GNAQ: variants seen among roughly 807,000 people sequenced by gnomAD.
GNAQ encodes G protein subunit alpha q.
Under a neutral mutation model 43.9 loss-of-function variants are expected in GNAQ, and 8 were observed. The ratio of observed to expected loss-of-function variants is 0.18; its 90% CI spans 0.11 to 0.33. The LOEUF is 0.33. Among genes scored for constraint, GNAQ ranks in the 10% least tolerant of loss-of-function variants. The pLI is 1.00. For synonymous variants in GNAQ, 155 were observed against 170.7 expected, an observed-to-expected ratio of 0.91 and a Z score of 0.71; for missense variants, 158 against 450.8, an observed-to-expected ratio of 0.35 and a Z score of 5.88.
chr9:77,779,334 GAAGTT>G (rs947091430), intron 5 of GNAQ, among the ~76,000 whole-genome samples: 35 of 152,016 alleles, frequency 2.3e-4, no homozygotes, highest in African/African-American at 7.9e-4. Flanking sequence ...GGTAGTCAAA[GAAGTT>G]AAGAAGTGTT....
intron 3 of GNAQ, among the ~76,000 whole-genome samples, chr9:77,810,826 G>A (rs908673280): frequency 3.9e-5 from 6 of 152,118 alleles, no homozygotes; most frequent in East Asian, 1.9e-4. Context: ...ATGTGATGAC[G>A]GAAATAAAAG....
chr9:77,889,767 A>C (rs1162999374), intron 2 of GNAQ, among the ~76,000 whole-genome samples: 3 of 152,042 alleles, frequency 2.0e-5, no homozygotes, highest in Non-Finnish European at 4.4e-5. Context: ...AAAATACGTC[A>C]CCGCTTATTT....
Position 77,755,695 on chromosome 9 carries a change from T to C in GNAQ, c.736-27028A>G, listed in dbSNP as rs146916892. On this transcript the variant is annotated intron_variant, in intron 5 of 6. Coordinates refer to ENST00000286548, the MANE Select transcript of GNAQ (RefSeq NM_002072.5). ...GTATCGTTAACTTTATGTAACAGCA[T>C]TTGGGTTGAGGATTGGTGCATTTCC... is the stretch of plus-strand genomic sequence containing the variant. 4.6e-5 allele frequency among the ~76,000 whole-genome samples: 7 copies of C among 152,300 alleles called. No individual in the cohort carries two copies. The East Asian group carries it at 1.4e-3, about 29-fold the overall frequency.
At chr9:77,776,541 T>C (rs978120351) in intron 5 of GNAQ, among the ~76,000 whole-genome samples, 1 of 152,186 alleles carries the variant, frequency 6.6e-6, no homozygotes, top group Non-Finnish European at 1.5e-5. Context: ...TGTGCAATAA[T>C]AGTGCAATAA....
At chr9:77,874,109 A>AAAACAAAAAAC (rs1828089161) in intron 2 of GNAQ, among the ~76,000 whole-genome samples, 7 of 148,090 alleles carry the variant, frequency 4.7e-5, no homozygotes, top group Admixed American at 3.6e-4. Context: ...CATCTCAAAA[A>AAAACAAAAAAC]AAAAAAACAA....
At chr9:77,794,433 TA>T in intron 5 of GNAQ, 29 bp downstream of exon 5, 1 of 1,479,700 alleles carries the variant, frequency 6.8e-7, no homozygotes, top group Non-Finnish European at 9.3e-7. Context: ...AATAAAATGA[TA>T]ATCCATTGCC....
intron 5 of GNAQ, among the ~76,000 whole-genome samples, chr9:77,783,523 T>A (rs1826429497): frequency 6.6e-6 from 1 of 152,216 alleles, no homozygotes; most frequent in African/African-American, 2.4e-5. Context: ...TTTCATATCA[T>A]CTTTCCTTCT....
At position 77,721,401 on chromosome 9, in the gene GNAQ, G is replaced by C. The variant is rs369282648; in HGVS notation, c.1002C>G (p.Thr334=). ...IYSHFTCATD[T]ENIRFVFAAV... is the part of the protein sequence containing the mutation. ...CAGCAAAGACAAAGCGGATATTCTCGGTGTCTGTGGCGCACGTGAAGTGGG... is the reference window on the plus strand; with the variant it reads ...CAGCAAAGACAAAGCGGATATTCTCCGTGTCTGTGGCGCACGTGAAGTGGG... The change falls in exon 7 of 7, where the codon ACC becomes ACG. Residue 334 remains threonine, a synonymous_variant. Transcript: ENST00000286548. 8 of 1,613,506 alleles carry C rather than the reference G, an allele frequency of 5.0e-6. No homozygotes were observed. Among genetic ancestry groups the C allele is most frequent in the Non-Finnish European group, 6.8e-6 (8 of 1,179,656 alleles).
chr9:77,875,142 C>T (rs1045524366), intron 2 of GNAQ, among the ~76,000 whole-genome samples: 17 of 152,138 alleles, frequency 1.1e-4, no homozygotes, highest in African/African-American at 3.9e-4. Context: ...TTCATCATTG[C>T]TTCTGATAAC....
chr9:77,939,014 G>A lies in GNAQ; in HGVS notation c.137-16669C>T, dbSNP rs182687617. ...TAGCAAATGGCTGCATGAAGGAGGAGAGGGCAGCCTTGAGGGTTCTCTGGG... is the reference window on the plus strand; with the variant it reads ...TAGCAAATGGCTGCATGAAGGAGGAAAGGGCAGCCTTGAGGGTTCTCTGGG... On this transcript the variant is annotated intron_variant, in intron 1 of 6. Coordinates refer to ENST00000286548, the MANE Select transcript of GNAQ (RefSeq NM_002072.5). Among the ~76,000 whole-genome samples, 11 of 152,282 alleles carry A rather than the reference G, an allele frequency of 7.2e-5. No homozygotes were observed. In the East Asian group the frequency reaches 1.4e-3, roughly 19 times the overall value.
At chr9:77,912,838 G>A (rs1255837780) in intron 2 of GNAQ, among the ~76,000 whole-genome samples, 1 of 152,136 alleles carries the variant, frequency 6.6e-6, no homozygotes, top group Non-Finnish European at 1.5e-5. Context: ...CCACTATCCA[G>A]CCATCAGAAT....
At chr9:77,840,150 T>C (rs1271372481) in intron 2 of GNAQ, among the ~76,000 whole-genome samples, 1 of 152,230 alleles carries the variant, frequency 6.6e-6, no homozygotes, top group Admixed American at 6.5e-5. Flanking sequence ...ATGCATAGTG[T>C]ATTCAGTAAA....
chr9:77,738,859 C>G (rs181840798), intron 5 of GNAQ, among the ~76,000 whole-genome samples: 5 of 152,188 alleles, frequency 3.3e-5, no homozygotes, highest in Non-Finnish European at 5.9e-5. Flanking sequence ...ATTTTGCTCT[C>G]AACATTCTAG....
chr9:77,774,352 C>G (rs1300199210), intron 5 of GNAQ, among the ~76,000 whole-genome samples: 2 of 152,152 alleles, frequency 1.3e-5, no homozygotes, highest in South Asian at 2.1e-4. Context: ...CTAAGCTTCT[C>G]GGACCAGACA....
intron 1 of GNAQ, among the ~76,000 whole-genome samples, chr9:77,962,905 A>C (rs576246629): frequency 7.9e-5 from 12 of 151,894 alleles, no homozygotes; most frequent in Non-Finnish European, 1.3e-4. Flanking sequence ...AAAAAAAAAA[A>C]AAAAAAAAAA....
At chr9:77,753,041 C>T (rs1275098665) in intron 5 of GNAQ, among the ~76,000 whole-genome samples, 11 of 141,780 alleles carry the variant, frequency 7.8e-5, no homozygotes, top group Admixed American at 5.9e-4. Context: ...GAGCCGAGAT[C>T]GCGCCACTGC....
rs74584409 is a variant in GNAQ at position 77,766,537 on chromosome 9, T to G, written c.735+27926A>C. On this transcript the variant is annotated intron_variant, in intron 5 of 6. Transcript: ENST00000286548. ...TGATGAGACTTCTGGGTGTCTCTGA[T>G]TTTCTTTGAGTTTGATCCAGAAGAG... 6.5e-3 allele frequency among the ~76,000 whole-genome samples: 984 copies of G among 152,344 alleles called. 7 individuals are homozygous for G. The highest frequency in any genetic ancestry group is 0.022 in the African/African-American group (920 of 41,566).
At chr9:78,025,917 T>C (rs1305330929) in intron 1 of GNAQ, among the ~76,000 whole-genome samples, 1 of 152,204 alleles carries the variant, frequency 6.6e-6, no homozygotes, top group Non-Finnish European at 1.5e-5. Flanking sequence ...TTTTTTCTGC[T>C]AAGTTTAGCA....
intron 2 of GNAQ, among the ~76,000 whole-genome samples, chr9:77,844,947 T>A (rs1827558776): frequency 6.6e-6 from 1 of 152,208 alleles, no homozygotes; most frequent in African/African-American, 2.4e-5. Flanking sequence ...GTACTGGGAA[T>A]CTGCCTATTT....
Sources: allele counts gnomAD v4.1 joint callset (sites outside exome capture counted in the v4.1 genomes callset), GRCh38; gene constraint gnomAD v4.1.1; transcripts MANE v1.5; gene names NCBI Gene and HGNC (gene_info 2026-07-23, HGNC 2026-07-21).